The following WDR76 variants were observed in gnomAD, a reference collection of about 807,000 sequenced individuals.
The protein encoded by WDR76 is WD repeat-containing protein 76.
A neutral mutation model predicts 70.2 loss-of-function variants in WDR76; 52 were observed. The observed-to-expected ratio is 0.74, with a 90% confidence interval of 0.59 to 0.93. WDR76 has a LOEUF of 0.93. Among genes scored for constraint, WDR76 ranks in the 40% least tolerant of loss-of-function variants. The probability of loss-of-function intolerance (pLI) is 0.00; values close to 1 mark genes in which losing one functional copy is unlikely to be tolerated. For synonymous variants in WDR76, 292 were observed against 271.1 expected, an observed-to-expected ratio of 1.08 and a Z score of -0.76; for missense variants, 756 against 760.2, an observed-to-expected ratio of 0.99 and a Z score of 0.07.
intron 5 of WDR76, among the ~76,000 whole-genome samples, chr15:43,841,163 G>C (rs2087719466): frequency 6.6e-6 from 1 of 150,420 alleles, no homozygotes; most frequent in Non-Finnish European, 1.5e-5. Flanking sequence ...TGGGACTGTA[G>C]GTGTGTGCTA....
intron 2 of WDR76, 131 bp downstream of exon 2, chr15:43,828,497 A>G: frequency 2.5e-6 from 2 of 792,074 alleles, no homozygotes; most frequent in Non-Finnish European, 3.7e-6. Flanking sequence ...TATAAATGTA[A>G]TAATACATTT....
At chr15:43,864,923 A>G (rs1255815513) in intron 12 of WDR76, among the ~76,000 whole-genome samples, 1 of 150,838 alleles carries the variant, frequency 6.6e-6, no homozygotes, top group East Asian at 2.0e-4. Context: ...TTATTTTTTA[A>G]TTTTTAATTT....
chr15:43,849,891 T>C (rs939707307), intron 8 of WDR76, among the ~76,000 whole-genome samples: 2 of 152,170 alleles, frequency 1.3e-5, no homozygotes, highest in Non-Finnish European at 1.5e-5. Context: ...TTGAGTTCTT[T>C]ATACCAAGAG....
intron 9 of WDR76, among the ~76,000 whole-genome samples, chr15:43,852,648 C>T (rs866274695): frequency 6.6e-6 from 1 of 151,938 alleles, no homozygotes; most frequent in East Asian, 1.9e-4. Context: ...GGGATTACAG[C>T]GTGAGCCACT....
chr15:43,827,614 G>C (rs771263248), intron 1 of WDR76, among the ~76,000 whole-genome samples: 16 of 151,872 alleles, frequency 1.1e-4, no homozygotes, highest in Non-Finnish European at 1.8e-4. Context: ...GTGTGATCTC[G>C]GCTCACTGCA....
chr15:43,842,810 C>G (rs2087742253), intron 7 of WDR76, 139 bp downstream of exon 7: 1 of 739,546 alleles, frequency 1.4e-6, no homozygotes, highest in Non-Finnish European at 2.2e-6. Context: ...TATTTCCTCA[C>G]AAGTGTTGCC....
At chr15:43,837,363 A>G (rs1733416027) in intron 4 of WDR76, among the ~76,000 whole-genome samples, 1 of 152,226 alleles carries the variant, frequency 6.6e-6, no homozygotes, top group South Asian at 2.1e-4. Flanking sequence ...CATCATTAAC[A>G]CTGGAAAAAC....
In WDR76 at chr15:43,866,509, G is replaced by A. The variant is rs1460554334; in HGVS notation, c.*117G>A. On this transcript the variant is annotated 3_prime_UTR_variant, in exon 13 of 13. Coordinates refer to ENST00000263795, the MANE Select transcript of WDR76 (RefSeq NM_024908.4). ...TGTTACATTTAGCAATTATAACATT[G>A]TTTTATTAATAAGACTATAAGAAGA... 8.4e-7 allele frequency: 1 copy of A among 1,187,144 alleles called. No homozygotes were observed. The highest frequency in any genetic ancestry group is 1.5e-5 in the African/African-American group (1 of 64,834). The allele number at this position is 1,187,144 out of a possible 1,614,324, so 73.5% of individuals were successfully genotyped here.
intron 4 of WDR76, among the ~76,000 whole-genome samples, chr15:43,837,877 CTTTT>C (rs11340939): frequency 3.9e-5 from 4 of 102,740 alleles, no homozygotes; most frequent in Non-Finnish European, 7.9e-5. Flanking sequence ...TTATTTATTG[CTTTT>C]TTTTTTTTTT....
intron 4 of WDR76, among the ~76,000 whole-genome samples, chr15:43,838,658 T>C (rs958305139): frequency 6.6e-6 from 1 of 152,214 alleles, no homozygotes; most frequent in African/African-American, 2.4e-5. Context: ...TGCGCACAGC[T>C]TTATTTCGTT....
In WDR76 at chr15:43,851,141, GTTAGC is replaced by G; in HGVS notation, c.1089_1093del (p.Cys365LeufsTer16). ...TGTTTTTCATCCCCATAGTCAGCCA[GTTAGC>G]TGTCTTTACTTCTCACCCGCCAATC... On this transcript the variant is annotated frameshift_variant, in exon 9 of 13. Transcript: ENST00000263795. LOFTEE classifies it high-confidence loss of function. The G allele has an allele frequency of 1.1e-5, 17 of 1,614,130 alleles. No individual in the cohort carries two copies. Among genetic ancestry groups the G allele is most frequent in the Non-Finnish European group, 1.4e-5 (16 of 1,180,024 alleles).
chr15:43,866,005 C>A, intron 12 of WDR76, 123 bp from the exon 13 acceptor site: 3 of 1,208,420 alleles, frequency 2.5e-6, no homozygotes, highest in Non-Finnish European at 3.4e-6. Context: ...AACTCAGTAA[C>A]TTAATGAGAA....
At chr15:43,832,739 C>CTTTT (rs1567182112) in intron 2 of WDR76, among the ~76,000 whole-genome samples, 11 of 62,248 alleles carry the variant, frequency 1.8e-4, no homozygotes, top group Admixed American at 1.1e-3. Flanking sequence ...ACCCGGCTTG[C>CTTTT]TTTGTTTTTT....
At chr15:43,827,248 C>G (rs557886) in intron 1 of WDR76, 156 bp downstream of exon 1, 18,933 of 810,550 alleles carry the variant, frequency 0.023, 333 homozygotes, top group Non-Finnish European at 0.028. Flanking sequence ...AGGTTCTTAT[C>G]AATAACCCGA....
chr15:43,854,405 A>G (rs1411669848), intron 9 of WDR76, among the ~76,000 whole-genome samples: 5 of 151,932 alleles, frequency 3.3e-5, no homozygotes, highest in Non-Finnish European at 1.5e-5. Context: ...CCGCACCTCT[A>G]AAAGAATACA....
At chr15:43,841,741 A>G (rs1159251795) in intron 5 of WDR76, among the ~76,000 whole-genome samples, 1 of 152,224 alleles carries the variant, frequency 6.6e-6, no homozygotes, top group East Asian at 1.9e-4. Context: ...TTAAAAAAAT[A>G]CTGATGTAGG....
chr15:43,842,694 T>A (rs774155055), intron 7 of WDR76, 23 bp downstream of exon 7: 2 of 1,598,070 alleles, frequency 1.3e-6, no homozygotes, highest in South Asian at 2.3e-5. Flanking sequence ...TCCTTGTGTT[T>A]CTTTTATATT....
chr15:43,829,455 G>A (rs539403246), intron 2 of WDR76, among the ~76,000 whole-genome samples: 6 of 145,410 alleles, frequency 4.1e-5, no homozygotes, highest in African/African-American at 1.5e-4. Flanking sequence ...CATGGGGTAA[G>A]TATTAAATGA....
chr15:43,828,431 G>A (rs2087545365), intron 2 of WDR76, 65 bp downstream of exon 2: 1 of 1,478,952 alleles, frequency 6.8e-7, no homozygotes, highest in Non-Finnish European at 9.0e-7. Flanking sequence ...CTGATAAATC[G>A]AAGTTTTTCG....
Sources: gnomAD v4.1 joint callset for allele counts (sites outside exome capture counted in the v4.1 genomes callset) on GRCh38, gnomAD v4.1.1 for gene constraint, MANE v1.5 for transcripts, NCBI Gene and HGNC (gene_info 2026-07-23, HGNC 2026-07-21) for gene names.